KIRREL3: variants seen among roughly 807,000 people sequenced by gnomAD.
KIRREL3 encodes kirre like nephrin family adhesion molecule 3.
In KIRREL3, 36 loss-of-function variants were observed where a neutral mutation model predicts 89.7. That is an observed-to-expected ratio of 0.40 (90% CI 0.31 to 0.53). KIRREL3 has a LOEUF of 0.53. Among genes scored for constraint, KIRREL3 ranks in the 20% least tolerant of loss-of-function variants. KIRREL3 has a pLI of 0.49. For missense variants in KIRREL3, 864 were observed against 1,056.6 expected, an observed-to-expected ratio of 0.82 and a Z score of 2.53; for synonymous variants, 445 against 441.4, an observed-to-expected ratio of 1.01 and a Z score of -0.10.
At chr11:126,481,129 G>C (rs1321654356) in intron 4 of KIRREL3, among the ~76,000 whole-genome samples, 1 of 152,148 alleles carries the variant, frequency 6.6e-6, no homozygotes, top group African/African-American at 2.4e-5. Flanking sequence ...GACAATAAAT[G>C]AATACACAAA....
intron 7 of KIRREL3, among the ~76,000 whole-genome samples, chr11:126,451,368 ATG>A (rs531765204): frequency 0.019 from 757 of 40,050 alleles, 4 homozygotes; most frequent in Admixed American, 0.027. Context: ...GAGTGTGACT[ATG>A]TGTGAGCGTG....
chr11:126,735,140 A>G (rs1030986396), intron 1 of KIRREL3, among the ~76,000 whole-genome samples: 1 of 152,154 alleles, frequency 6.6e-6, no homozygotes, highest in Non-Finnish European at 1.5e-5. Context: ...CAGTTCTACT[A>G]ATTGCTAGTT....
Position 126,642,676 on chromosome 11 carries a change from G to A in KIRREL3, c.56-79764C>T, listed in dbSNP as rs964870030. On this transcript the variant is annotated intron_variant, in intron 1 of 16. Coordinates refer to ENST00000525144, the MANE Select transcript of KIRREL3 (RefSeq NM_032531.4). This position sits in a 1 kb window ranked among gnomAD's most constrained non-coding sequence, Gnocchi z 4.9. ...TCTTACAGGAAAGGAAAGTGGTTAC[G>A]GCAGATTGCAATTGTAGGAGGAATG... Among the ~76,000 whole-genome samples, 3 of 152,190 alleles carry A rather than the reference G, an allele frequency of 2.0e-5. No homozygotes were observed. Among genetic ancestry groups the A allele is most frequent in the Non-Finnish European group, 4.4e-5 (3 of 68,040 alleles).
intron 1 of KIRREL3, among the ~76,000 whole-genome samples, chr11:126,649,729 T>C (rs960464872): frequency 1.3e-5 from 2 of 152,160 alleles, no homozygotes; most frequent in Non-Finnish European, 2.9e-5. Context: ...TCTGCGGCTC[T>C]TCCAGGTGAA....
rs1276329466 is a variant in KIRREL3 at position 126,766,286 on chromosome 11, C to T, written c.56-203374G>A. On this transcript the variant is annotated intron_variant, in intron 1 of 16. Transcript: ENST00000525144. This position sits in a 1 kb window ranked among gnomAD's most constrained non-coding sequence, Gnocchi z 4.2. Reference sequence around the variant, plus strand: ...CAGCATGTCATCCATTCCTGACAGCCTTGGTGCTATAATATGGTCCTGCCA... The same window carrying T: ...CAGCATGTCATCCATTCCTGACAGCTTTGGTGCTATAATATGGTCCTGCCA... 6.6e-6 allele frequency among the ~76,000 whole-genome samples: 1 copy of T among 151,966 alleles called. No individual in the cohort carries two copies. Among genetic ancestry groups the T allele is most frequent in the Non-Finnish European group, 1.5e-5 (1 of 68,002 alleles).
chr11:126,787,308 G>A (rs1006567060), intron 1 of KIRREL3, among the ~76,000 whole-genome samples: 4 of 152,122 alleles, frequency 2.6e-5, no homozygotes, highest in Non-Finnish European at 5.9e-5. Flanking sequence ...TGTGTGGGGA[G>A]TTTGCACAAT....
At position 126,772,008 on chromosome 11, in the gene KIRREL3, A is replaced by G. The variant is rs1325539421; in HGVS notation, c.56-209096T>C. Among the ~76,000 whole-genome samples the G allele has an allele frequency of 6.6e-6, 1 of 152,190 alleles. No individual in the cohort carries two copies. The highest frequency in any genetic ancestry group is 1.5e-5 in the Non-Finnish European group (1 of 68,042). ...TCTCCTCCTGCTTTCTGTCTGAGGT[A>G]GAGGAGAGGAGGCACTGTCGGGAAA... On this transcript the variant is annotated intron_variant, in intron 1 of 16. Coordinates refer to ENST00000525144, the MANE Select transcript of KIRREL3 (RefSeq NM_032531.4). This position sits in a 1 kb window ranked among gnomAD's most constrained non-coding sequence, Gnocchi z 4.6.
intron 5 of KIRREL3, among the ~76,000 whole-genome samples, chr11:126,464,455 C>T (rs1026575081): frequency 6.6e-5 from 10 of 151,904 alleles, no homozygotes; most frequent in Non-Finnish European, 1.3e-4. Flanking sequence ...CACTTGATCC[C>T]GGAAGGTTGA....
rs1946778013 is a variant in KIRREL3 at position 126,689,044 on chromosome 11, G to GAC, written c.56-126133_56-126132insGT. Among the ~76,000 whole-genome samples the GAC allele has an allele frequency of 9.5e-6, 1 of 105,386 alleles. No homozygotes were observed. 69.1% of individuals were successfully genotyped at this position (105,386 alleles called of 152,430 possible). On this transcript the variant is annotated intron_variant, in intron 1 of 16. Coordinates refer to ENST00000525144, the MANE Select transcript of KIRREL3 (RefSeq NM_032531.4). The surrounding 1 kb of genome is among the most constrained non-coding windows in gnomAD (Gnocchi z 5.2). ...GTGTGTGTGTGTAAGGGGGAGAGAA[G>GAC]AGAGAGAGAGAGAGAGAGAGAGAGA...
chr11:126,702,825 C>G (rs1488915251), intron 1 of KIRREL3, among the ~76,000 whole-genome samples: 1 of 152,098 alleles, frequency 6.6e-6, no homozygotes, highest in East Asian at 1.9e-4. Context: ...GCCTGTGGTC[C>G]CCTGAAGAAA....
intron 1 of KIRREL3, among the ~76,000 whole-genome samples, chr11:126,967,688 G>A (rs977890640): frequency 1.3e-5 from 2 of 152,042 alleles, no homozygotes; most frequent in Admixed American, 1.3e-4. Flanking sequence ...TGAGCCCTGG[G>A]CTCTTTTTCT....
intron 1 of KIRREL3, among the ~76,000 whole-genome samples, chr11:126,951,777 T>G (rs1462111631): frequency 1.3e-5 from 2 of 152,130 alleles, no homozygotes; most frequent in Admixed American, 6.5e-5. Context: ...AGCCTTTGAG[T>G]GACAGAAACA....
chr11:126,858,293 A>G (rs7126443), intron 1 of KIRREL3, among the ~76,000 whole-genome samples: 123,298 of 152,150 alleles, frequency 0.81, 50,105 homozygotes, highest in East Asian at 1. Context: ...TTGATGAAGC[A>G]ATAGGACTTA....
rs1946576527 is a variant in KIRREL3 at position 126,906,227 on chromosome 11, T to G, written c.55+94228A>C. Among the ~76,000 whole-genome samples the G allele has an allele frequency of 6.6e-6, 1 of 152,198 alleles. No homozygotes were observed. Among genetic ancestry groups the G allele is most frequent in the Non-Finnish European group, 1.5e-5 (1 of 68,044 alleles). ...GACAGCTCCCTTTCTGCGGGCTGAC[T>G]GCTCAAGAAGCAAGATGTTCAAAGA... On this transcript the variant is annotated intron_variant, in intron 1 of 16. Coordinates refer to ENST00000525144, the MANE Select transcript of KIRREL3 (RefSeq NM_032531.4). This position sits in a 1 kb window ranked among gnomAD's most constrained non-coding sequence, Gnocchi z 4.1.
In KIRREL3 at chr11:126,498,430, C is replaced by T. The variant is rs1957743747; in HGVS notation, c.433+22885G>A. ...TTGTGTTCCTAATCAGCCAGTGTAT[C>T]AGGAAAGACCTGCTGCTAATTGTCG... On this transcript the variant is annotated intron_variant, in intron 4 of 16. Transcript: ENST00000525144. The surrounding 1 kb of genome is among the most constrained non-coding windows in gnomAD (Gnocchi z 4.3). Among the ~76,000 whole-genome samples the T allele has an allele frequency of 6.6e-6, 1 of 152,176 alleles. No individual in the cohort carries two copies. Among genetic ancestry groups the T allele is most frequent in the African/African-American group, 2.4e-5 (1 of 41,442 alleles).
chr11:126,833,019 C>T (rs1023720615), intron 1 of KIRREL3, among the ~76,000 whole-genome samples: 1 of 152,290 alleles, frequency 6.6e-6, no homozygotes, highest in South Asian at 2.1e-4. Context: ...TTTAAATCAA[C>T]GGAATGTGTC....
intron 1 of KIRREL3, among the ~76,000 whole-genome samples, chr11:126,998,505 G>A (rs1020060097): frequency 6.6e-6 from 1 of 152,182 alleles, no homozygotes; most frequent in East Asian, 1.9e-4. Flanking sequence ...CACTCCAGGA[G>A]CACAAGGCAT....
intron 1 of KIRREL3, among the ~76,000 whole-genome samples, chr11:126,838,961 C>T (rs1468205376): frequency 1.3e-5 from 2 of 152,174 alleles, no homozygotes; most frequent in African/African-American, 4.8e-5. Flanking sequence ...GTAAACAGTG[C>T]TGTGGCTGGA....
intron 1 of KIRREL3, among the ~76,000 whole-genome samples, chr11:126,894,258 G>C (rs866168817): frequency 6.6e-6 from 1 of 152,080 alleles, no homozygotes; most frequent in Non-Finnish European, 1.5e-5. Context: ...TATTTGCTGG[G>C]TAAGTTTCTA....
Sources: allele counts gnomAD v4.1 joint callset (sites outside exome capture counted in the v4.1 genomes callset), GRCh38; gene constraint gnomAD v4.1.1; non-coding constraint Gnocchi (gnomAD v3.1); transcripts MANE v1.5; gene names NCBI Gene and HGNC (gene_info 2026-07-23, HGNC 2026-07-21).